Variants in C5 observed in about 807,000 individuals in gnomAD.
The protein encoded by C5 is C3 and PZP-like alpha-2-macroglobulin domain-containing protein 4.
In C5, 140 loss-of-function variants were observed where a neutral mutation model predicts 218.8. The observed-to-expected ratio is 0.64, with a 90% CI of 0.56 to 0.74. C5 has a LOEUF of 0.74. Ranked by LOEUF, C5 falls within the 30% of genes least tolerant of loss-of-function variation. C5 has a pLI of 0.00. For missense variants in C5, 1,700 were observed against 1,969.6 expected, an observed-to-expected ratio of 0.86 and a Z score of 2.59; for synonymous variants, 614 against 682.3, an observed-to-expected ratio of 0.90 and a Z score of 1.56.
At chr9:121,047,520 A>C (rs2047637945) in intron 1 of C5, among the ~76,000 whole-genome samples, 1 of 152,214 alleles carries the variant, frequency 6.6e-6, no homozygotes, top group Non-Finnish European at 1.5e-5. Flanking sequence ...AAAGTGTTTT[A>C]ACCCAAAAGG....
chr9:120,972,569 C>T (rs2046923049), intron 30 of C5, among the ~76,000 whole-genome samples: 1 of 152,210 alleles, frequency 6.6e-6, no homozygotes, highest in Non-Finnish European at 1.5e-5. Flanking sequence ...CCACTCAAGC[C>T]TGCCAAATCC....
At chr9:121,035,503 T>A (rs768601625) in intron 4 of C5, among the ~76,000 whole-genome samples, 2 of 152,134 alleles carry the variant, frequency 1.3e-5, no homozygotes, top group East Asian at 3.8e-4. Flanking sequence ...GGACTACACA[T>A]GGGGGTCCAA....
chr9:121,006,774 TA>T (rs565290029), intron 19 of C5, 129 bp downstream of exon 19: 33 of 688,904 alleles, frequency 4.8e-5, no homozygotes, highest in African/African-American at 3.4e-4. Context: ...TGGTAATACA[TA>T]AAAAAAAGAA....
intron 4 of C5, among the ~76,000 whole-genome samples, chr9:121,036,835 T>C (rs2047529828): frequency 6.6e-6 from 1 of 152,192 alleles, no homozygotes; most frequent in Non-Finnish European, 1.5e-5. Flanking sequence ...CTGTAGTATC[T>C]ATGCTTTTGC....
At chr9:120,962,053 G>C (rs2046831450) in intron 36 of C5, among the ~76,000 whole-genome samples, 1 of 152,162 alleles carries the variant, frequency 6.6e-6, no homozygotes, top group South Asian at 2.1e-4. Context: ...ACTGCCCAAG[G>C]TGGAGTCATC....
intron 20 of C5, among the ~76,000 whole-genome samples, chr9:121,002,638 G>C (rs947788539): frequency 2.6e-5 from 4 of 151,964 alleles, no homozygotes; most frequent in African/African-American, 4.8e-5. Context: ...CAGTTTCCAA[G>C]CCTCAAGCCC....
chr9:121,058,034 CG>C, the C5 span, among the ~76,000 whole-genome samples: 1 of 152,166 alleles, frequency 6.6e-6, no homozygotes, highest in East Asian at 1.9e-4. Context: ...ATGTTAATCA[CG>C]TCTCAATAAG....
chr9:120,968,624 C>T (rs994303524), intron 33 of C5, among the ~76,000 whole-genome samples: 9 of 152,242 alleles, frequency 5.9e-5, no homozygotes, highest in South Asian at 2.1e-4. Context: ...CTCTGGAGCC[C>T]GGGACATTTG....
chr9:121,036,338 C>G (rs1022306638), intron 4 of C5, among the ~76,000 whole-genome samples: 5 of 152,124 alleles, frequency 3.3e-5, no homozygotes, highest in African/African-American at 9.7e-5. Flanking sequence ...CTGGGATCAG[C>G]TTTCTCAATC....
chr9:121,035,717 A>C (rs895170902), intron 4 of C5, among the ~76,000 whole-genome samples: 3 of 150,826 alleles, frequency 2.0e-5, no homozygotes, highest in Admixed American at 6.6e-5. Flanking sequence ...CCACAGGCAC[A>C]TGCCACCATG....
chr9:121,068,985 A>C, the C5 span, among the ~76,000 whole-genome samples: 3 of 152,310 alleles, frequency 2.0e-5, no homozygotes, highest in African/African-American at 7.2e-5. Context: ...CTTGTACGTG[A>C]GTTTATATAT....
upstream of C5, among the ~76,000 whole-genome samples, chr9:121,052,835 A>C (rs1271634592): frequency 6.6e-6 from 1 of 152,214 alleles, no homozygotes; most frequent in African/African-American, 2.4e-5. Flanking sequence ...TTTTGTACTT[A>C]CTTGGTAAAA....
chr9:120,969,976 C>G, intron 32 of C5, among the ~76,000 whole-genome samples, 194 bp downstream of exon 32: 1 of 152,314 alleles, frequency 6.6e-6, no homozygotes, highest in South Asian at 2.1e-4. Flanking sequence ...TTAATATTAG[C>G]TTCCGACTAT....
chr9:120,999,613 C>T (rs2047143652), intron 20 of C5: 1 of 214,650 alleles, frequency 4.7e-6, no homozygotes, highest in South Asian at 5.6e-5. Flanking sequence ...ATCCAGCCAA[C>T]TGCCTGCTAA....
chr9:121,016,276 A>G lies in C5; in HGVS notation c.1974T>C (p.Asn658=). 6.2e-7 allele frequency: 1 copy of G among 1,614,088 alleles called. No individual in the cohort carries two copies. Among genetic ancestry groups the G allele is most frequent in the African/African-American group, 1.3e-5 (1 of 75,044 alleles). The change falls in exon 15 of 41, where the codon AAT becomes AAC. Residue 658 remains asparagine, a synonymous_variant. Transcript: ENST00000223642. ...LAGLTFLTNA[N]ADDSQENDEP... is the part of the protein sequence containing the mutation. Reference sequence around the variant, plus strand: ...TACCATTTTCTTGGGAGTCATCTGCATTTGCATTAGTGAGGAAGGTAAGTC... The same window carrying G: ...TACCATTTTCTTGGGAGTCATCTGCGTTTGCATTAGTGAGGAAGGTAAGTC...
intron 38 of C5, among the ~76,000 whole-genome samples, chr9:120,958,579 T>TC (rs2046803519): frequency 1.3e-5 from 2 of 151,932 alleles, no homozygotes; most frequent in African/African-American, 4.8e-5. Context: ...TTTTTTTTTT[T>TC]CCAAAATCAA....
chr9:120,957,424 G>C, intron 38 of C5, 56 bp from the exon 39 acceptor site: 1 of 1,319,310 alleles, frequency 7.6e-7, no homozygotes, highest in Non-Finnish European at 1.1e-6. Flanking sequence ...TTAATGCTAT[G>C]TCCAGTAGAA....
chr9:120,995,229 A>T (rs147607798), intron 22 of C5, among the ~76,000 whole-genome samples: 16 of 152,350 alleles, frequency 1.1e-4, no homozygotes, highest in African/African-American at 3.4e-4. Flanking sequence ...AATGACACTG[A>T]TGATAGTGAT....
At position 121,021,656 on chromosome 9, in the gene C5, T is replaced by A; in HGVS notation, c.1155A>T (p.Gly385=). Residue 385 remains glycine (G), a synonymous_variant, in exon 11 of 41, where the codon GGA becomes GGT. Coordinates refer to ENST00000223642, the MANE Select transcript of C5 (RefSeq NM_001735.3). ...VKDSLDQLVG[G]VPVTLNAQTI... is the part of the protein sequence containing the mutation. ...TTTGTGCATTCAGTGTTACTGGGAC[T>A]CCTCCTACCAACTGGTCAAGCGAAT... The A allele has an allele frequency of 6.2e-7, 1 of 1,613,726 alleles. No individual in the cohort carries two copies. Among genetic ancestry groups the A allele is most frequent in the Non-Finnish European group, 8.5e-7 (1 of 1,179,804 alleles).
Sources: gnomAD v4.1 joint callset for allele counts (sites outside exome capture counted in the v4.1 genomes callset) on GRCh38, gnomAD v4.1.1 for gene constraint, MANE v1.5 for transcripts, NCBI Gene and HGNC (gene_info 2026-07-23, HGNC 2026-07-21) for gene names.